Variants in ERICH6B observed in about 807,000 individuals in gnomAD.
The protein encoded by ERICH6B is glutamate rich 6B, also known as glutamate-rich protein 6B.
In ERICH6B, 69 loss-of-function variants were observed where a neutral mutation model predicts 80.0. The ratio of observed to expected loss-of-function variants is 0.86; its 90% CI spans 0.71 to 1.05. ERICH6B has a LOEUF of 1.05. Ranked by LOEUF, ERICH6B falls within the 50% of genes least tolerant of loss-of-function variation. ERICH6B has a pLI of 0.00. For missense variants in ERICH6B, 754 were observed against 796.1 expected (o/e 0.95, Z 0.64); for synonymous variants, 283 against 291.9 (o/e 0.97, Z 0.31).
At chr13:45,610,269 G>GC (rs1254671420) in intron 1 of ERICH6B, among the ~76,000 whole-genome samples, 1 of 151,704 alleles carries the variant, frequency 6.6e-6, no homozygotes, top group African/African-American at 2.4e-5. Flanking sequence ...TACTCCTGTG[G>GC]CCCACTCAAA....
chr13:45,592,816 G>A (rs1290456486), intron 3 of ERICH6B, among the ~76,000 whole-genome samples: 1 of 152,200 alleles, frequency 6.6e-6, no homozygotes, highest in Non-Finnish European at 1.5e-5. Flanking sequence ...TGTAAGATTA[G>A]AAGAGTATTT....
intron 11 of ERICH6B, among the ~76,000 whole-genome samples, chr13:45,559,271 G>C (rs1874567641): frequency 6.6e-6 from 1 of 151,948 alleles, no homozygotes. Flanking sequence ...GTTTCTAATT[G>C]AATTTATTTG....
At chr13:45,548,505 G>A (rs138529027) in intron 13 of ERICH6B, among the ~76,000 whole-genome samples, 94 of 152,302 alleles carry the variant, frequency 6.2e-4, no homozygotes, top group African/African-American at 2.1e-3. Flanking sequence ...ATCAGTTTGC[G>A]GGTAGGGCAG....
Position 45,606,499 on chromosome 13 carries a change from GTATGTGTATATA to G in ERICH6B, c.-59+1053_-59+1064del, listed in dbSNP as rs1386105467. Among the ~76,000 whole-genome samples the G allele has an allele frequency of 7.7e-3, 313 of 40,618 alleles. 17 individuals carry two copies. The highest frequency in any genetic ancestry group is 0.024 in the East Asian group (25 of 1,036). The allele number at this position is 40,618 out of a possible 152,430, so 26.6% of individuals were successfully genotyped here. On this transcript the variant is annotated intron_variant, in intron 2 of 14. Coordinates refer to ENST00000298738, the MANE Select transcript of ERICH6B (RefSeq NM_182542.3). ...TCTTCTTGGCTGAGATCCCAAAAGTGTATGTGTATATATATATATATATATATATATATATAT... is the reference window on the plus strand; with the variant it reads ...TCTTCTTGGCTGAGATCCCAAAAGTGTATATATATATATATATATATATAT...
chr13:45,564,310 C>CA (rs1566290867), intron 9 of ERICH6B, among the ~76,000 whole-genome samples: 1 of 152,226 alleles, frequency 6.6e-6, no homozygotes, highest in African/African-American at 2.4e-5. Flanking sequence ...CATGTTAACA[C>CA]ACAGAGTGAG....
Position 45,604,508 on chromosome 13 carries a change from C to T in ERICH6B, c.-59+3056G>A, listed in dbSNP as rs183870733. Among the ~76,000 whole-genome samples, 3 of 152,268 alleles carry T rather than the reference C, an allele frequency of 2.0e-5. No individual in the cohort carries two copies. The East Asian group carries it at 5.8e-4, about 30-fold the overall frequency. On this transcript the variant is annotated intron_variant, in intron 2 of 14. Coordinates refer to ENST00000298738, the MANE Select transcript of ERICH6B (RefSeq NM_182542.3). ...CCCTCACAGCAAGCCCTGATGTGGG[C>T]ATCATCACCCTCACTTCATAGGTAA... is the stretch of plus-strand genomic sequence containing the variant.
At chr13:45,587,010 C>A in intron 5 of ERICH6B, 53 bp downstream of exon 5, 2 of 1,515,238 alleles carry the variant, frequency 1.3e-6, no homozygotes, top group South Asian at 1.3e-5. Context: ...CCATTCCTCC[C>A]CTGGCCCACA....
chr13:45,603,739 G>T (rs1235505699), intron 2 of ERICH6B, among the ~76,000 whole-genome samples: 4 of 152,094 alleles, frequency 2.6e-5, no homozygotes, highest in Non-Finnish European at 5.9e-5. Context: ...CACTTTCCAT[G>T]TCCCTTAACC....
intron 8 of ERICH6B, 60 bp from the exon 9 acceptor site, chr13:45,568,511 A>G (rs970349207): frequency 7.1e-7 from 1 of 1,416,542 alleles, no homozygotes; most frequent in East Asian, 2.6e-5. Flanking sequence ...TTGTTAGTTA[A>G]TCACTTTTCT....
intron 13 of ERICH6B, among the ~76,000 whole-genome samples, chr13:45,545,990 A>C (rs1002283750): frequency 6.6e-6 from 1 of 152,218 alleles, no homozygotes; most frequent in Non-Finnish European, 1.5e-5. Context: ...GACTATAACT[A>C]CCATGAATCA....
intron 1 of ERICH6B, among the ~76,000 whole-genome samples, chr13:45,608,038 T>G (rs1292620105): frequency 6.6e-6 from 1 of 152,218 alleles, no homozygotes; most frequent in African/African-American, 2.4e-5. Context: ...GCTGGGCATG[T>G]GGCAGTTGTT....
At chr13:45,588,536 T>G (rs963760907) in intron 4 of ERICH6B, among the ~76,000 whole-genome samples, 16 of 152,168 alleles carry the variant, frequency 1.1e-4, no homozygotes, top group Admixed American at 3.3e-4. Context: ...GCCTGTTTCT[T>G]TATCCTTCTA....
intron 4 of ERICH6B, among the ~76,000 whole-genome samples, chr13:45,588,328 C>G (rs1271470946): frequency 1.3e-5 from 2 of 152,146 alleles, no homozygotes; most frequent in Non-Finnish European, 2.9e-5. Flanking sequence ...CTGTGCCGGC[C>G]CAGCAGCCTG....
intron 11 of ERICH6B, among the ~76,000 whole-genome samples, chr13:45,554,692 G>T (rs560376376): frequency 6.6e-6 from 1 of 152,366 alleles, no homozygotes; most frequent in Admixed American, 6.5e-5. Flanking sequence ...GTCAGCATTT[G>T]CTTGGGGACA....
intron 2 of ERICH6B, among the ~76,000 whole-genome samples, chr13:45,604,708 A>G (rs1949847290): frequency 6.6e-6 from 1 of 152,056 alleles, no homozygotes; most frequent in South Asian, 2.1e-4. Context: ...AAACAAACAA[A>G]CAAACAAAAC....
chr13:45,614,603 T>G (rs750870244), intron 1 of ERICH6B, among the ~76,000 whole-genome samples: 10 of 152,318 alleles, frequency 6.6e-5, no homozygotes, highest in Admixed American at 3.3e-4. Flanking sequence ...TGGGAGCTGG[T>G]GAAGAAGATG....
chr13:45,596,624 G>GGTA lies in ERICH6B; in HGVS notation c.379_381dup (p.Tyr127dup). 1 of 1,545,948 alleles carries GGTA rather than the reference G, an allele frequency of 6.5e-7. No individual in the cohort carries two copies. The highest frequency in any genetic ancestry group is 8.7e-7 in the Non-Finnish European group (1 of 1,143,482). ...TCCTCCAGATGCTCTTCCTTCCCCAGGTACTCTTCCTCCTCCAGATACCCT... is the reference window on the plus strand; with the variant it reads ...TCCTCCAGATGCTCTTCCTTCCCCAGGTAGTACTCTTCCTCCTCCAGATACCCT... On this transcript the variant is annotated inframe_insertion, in exon 3 of 15. Coordinates refer to ENST00000298738, the MANE Select transcript of ERICH6B (RefSeq NM_182542.3).
At chr13:45,595,976 TG>T (rs1593324513) in intron 3 of ERICH6B, among the ~76,000 whole-genome samples, 2 of 152,166 alleles carry the variant, frequency 1.3e-5, no homozygotes, top group Non-Finnish European at 2.9e-5. Context: ...ACATTTGCAA[TG>T]AACATGTATT....
intron 1 of ERICH6B, among the ~76,000 whole-genome samples, chr13:45,608,038 T>C (rs1292620105): frequency 3.9e-5 from 6 of 152,218 alleles, no homozygotes; most frequent in African/African-American, 4.8e-5. Flanking sequence ...GCTGGGCATG[T>C]GGCAGTTGTT....
Sources: gnomAD v4.1 joint callset for allele counts (sites outside exome capture counted in the v4.1 genomes callset) on GRCh38, gnomAD v4.1.1 for gene constraint, MANE v1.5 for transcripts, NCBI Gene and HGNC (gene_info 2026-07-23, HGNC 2026-07-21) for gene names.